ST6GALNAC3: variants seen among roughly 807,000 people sequenced by gnomAD.
ST6GALNAC3 encodes the protein ST6 N-acetylgalactosaminide alpha-2,6-sialyltransferase 3.
Under a neutral mutation model 32.7 loss-of-function variants are expected in ST6GALNAC3, and 25 were observed. That is an observed-to-expected ratio of 0.76 (90% CI 0.56 to 1.07). The LOEUF (loss-of-function observed/expected upper bound fraction) is 1.07, where lower values mean the gene tolerates loss of function less well. ST6GALNAC3 is among the 50% of genes least tolerant of loss of function. The pLI is 0.00. For synonymous variants in ST6GALNAC3, 129 were observed against 133.1 expected, an observed-to-expected ratio of 0.97 and a Z score of 0.21; for missense variants, 355 against 382.4, an observed-to-expected ratio of 0.93 and a Z score of 0.60.
At chr1:76,379,846 G>A (rs926966540) in intron 2 of ST6GALNAC3, among the ~76,000 whole-genome samples, 1 of 152,140 alleles carries the variant, frequency 6.6e-6, no homozygotes, top group Non-Finnish European at 1.5e-5. Flanking sequence ...GCCTCACAGA[G>A]CACACAAGAA....
At chr1:76,572,593 A>G (rs994705042) in intron 3 of ST6GALNAC3, among the ~76,000 whole-genome samples, 2 of 152,140 alleles carry the variant, frequency 1.3e-5, no homozygotes, top group African/African-American at 2.4e-5. Flanking sequence ...ACAGTTAGCT[A>G]CTAAAGAATC....
intron 2 of ST6GALNAC3, among the ~76,000 whole-genome samples, chr1:76,361,977 CAAA>C (rs386367380): frequency 3.2e-5 from 2 of 63,212 alleles, no homozygotes; most frequent in Admixed American, 1.7e-4. Context: ...GACTCTGTAT[CAAA>C]AAAAAAAAAA....
At chr1:76,218,637 G>A (rs1015149575) in intron 1 of ST6GALNAC3, among the ~76,000 whole-genome samples, 26 of 152,198 alleles carry the variant, frequency 1.7e-4, no homozygotes, top group African/African-American at 6.0e-4. Flanking sequence ...ACATTTATCT[G>A]CTTTTTCTTT....
At chr1:76,620,648 CTCA>C (rs2100700796) in intron 3 of ST6GALNAC3, among the ~76,000 whole-genome samples, 1 of 152,156 alleles carries the variant, frequency 6.6e-6, no homozygotes, top group South Asian at 2.1e-4. Flanking sequence ...TCCCCGTAAT[CTCA>C]TCATATGACA....
chr1:76,634,064 CTTGT>C lies in ST6GALNAC3; in HGVS notation c.*5265_*5268del, dbSNP rs1211687949. ...TTTCTTTTTTTTTTTCAGTTAACTA[CTTGT>C]TTGTTTCTTTTCAGAATAGGCACTT... On this transcript the variant is annotated 3_prime_UTR_variant, in exon 5 of 5. Coordinates refer to ENST00000328299, the MANE Select transcript of ST6GALNAC3 (RefSeq NM_152996.4). The C allele has an allele frequency of 3.3e-6, 2 of 602,882 alleles. No individual in the cohort carries two copies. The highest frequency in any genetic ancestry group is 4.2e-6 in the Non-Finnish European group (2 of 481,310). The allele number at this position is 602,882 out of a possible 1,614,324, so 37.3% of individuals were successfully genotyped here.
chr1:76,147,555 G>T (rs1372852584), intron 1 of ST6GALNAC3, among the ~76,000 whole-genome samples: 1 of 152,082 alleles, frequency 6.6e-6, no homozygotes, highest in African/African-American at 2.4e-5. Context: ...TTATGACAGA[G>T]AACTTTACCC....
intron 1 of ST6GALNAC3, among the ~76,000 whole-genome samples, chr1:76,184,519 G>GCGCACA (rs1335590722): frequency 6.0e-5 from 8 of 134,104 alleles, no homozygotes; most frequent in East Asian, 2.3e-4. Context: ...CTCCTGGGCA[G>GCGCACA]CACACACACA....
intron 1 of ST6GALNAC3, among the ~76,000 whole-genome samples, chr1:76,181,290 G>A (rs1390020799): frequency 6.6e-6 from 1 of 152,172 alleles, no homozygotes; most frequent in African/African-American, 2.4e-5. Flanking sequence ...CAATGGAAGT[G>A]GAATCCAGGA....
chr1:76,552,979 CTT>C (rs1222473405), intron 3 of ST6GALNAC3, among the ~76,000 whole-genome samples: 4 of 152,166 alleles, frequency 2.6e-5, no homozygotes, highest in South Asian at 2.1e-4. Flanking sequence ...TTTGGAGTCT[CTT>C]GAGTTTATCA....
chr1:76,253,078 T>C (rs1327677640), intron 1 of ST6GALNAC3, among the ~76,000 whole-genome samples: 2 of 152,082 alleles, frequency 1.3e-5, no homozygotes, highest in East Asian at 3.9e-4. Context: ...TACTAGAATA[T>C]TATCAACCAG....
chr1:76,529,340 C>A (rs1054766061), intron 3 of ST6GALNAC3, among the ~76,000 whole-genome samples: 2 of 152,092 alleles, frequency 1.3e-5, no homozygotes, highest in Non-Finnish European at 2.9e-5. Context: ...GAAGCAGGAA[C>A]CTTTTCTGTC....
intron 1 of ST6GALNAC3, among the ~76,000 whole-genome samples, chr1:76,278,487 C>G (rs557591586): frequency 1.3e-5 from 2 of 151,172 alleles, no homozygotes; most frequent in East Asian, 4.0e-4. Context: ...TCCCAAAGTA[C>G]TGGGATTATA....
At chr1:76,551,333 G>T (rs796691336) in intron 3 of ST6GALNAC3, among the ~76,000 whole-genome samples, 1 of 152,274 alleles carries the variant, frequency 6.6e-6, no homozygotes, top group South Asian at 2.1e-4. Context: ...CTCCTTATCC[G>T]TAAACTTGAC....
chr1:76,268,246 A>G (rs1200156900), intron 1 of ST6GALNAC3, among the ~76,000 whole-genome samples: 2 of 152,210 alleles, frequency 1.3e-5, no homozygotes, highest in South Asian at 4.1e-4. Flanking sequence ...TGCTTTGCCA[A>G]ATGGATTTGC....
chr1:76,320,854 A>T (rs577865129), intron 2 of ST6GALNAC3, among the ~76,000 whole-genome samples: 1 of 152,202 alleles, frequency 6.6e-6, no homozygotes, highest in East Asian at 1.9e-4. Flanking sequence ...TCACAGATCA[A>T]GTTCTAGCCA....
intron 3 of ST6GALNAC3, among the ~76,000 whole-genome samples, chr1:76,426,842 C>G (rs181097941): frequency 2.0e-5 from 3 of 151,962 alleles, no homozygotes; most frequent in Admixed American, 2.0e-4. Context: ...TTTTTCAGCT[C>G]CGTTTATAAT....
chr1:76,274,025 A>T (rs367669415), intron 1 of ST6GALNAC3, among the ~76,000 whole-genome samples: 3 of 151,560 alleles, frequency 2.0e-5, no homozygotes, highest in African/African-American at 7.2e-5. Flanking sequence ...AGAGAAAAAG[A>T]CCAGCCATAA....
chr1:76,279,896 C>G (rs1329378997), intron 1 of ST6GALNAC3, among the ~76,000 whole-genome samples: 1 of 152,192 alleles, frequency 6.6e-6, no homozygotes, highest in Non-Finnish European at 1.5e-5. Flanking sequence ...GGTTACTCGA[C>G]TGGAGGAGTT....
chr1:76,376,147 A>G (rs1334216975), intron 2 of ST6GALNAC3, among the ~76,000 whole-genome samples: 2 of 151,794 alleles, frequency 1.3e-5, no homozygotes, highest in Admixed American at 6.6e-5. Context: ...TGAGATAATT[A>G]TAGATTCACA....
Sources: allele counts gnomAD v4.1 joint callset (sites outside exome capture counted in the v4.1 genomes callset), GRCh38; gene constraint gnomAD v4.1.1; transcripts MANE v1.5; gene names NCBI Gene and HGNC (gene_info 2026-07-23, HGNC 2026-07-21).